The following ASH1L variants were observed in gnomAD, a reference collection of about 807,000 sequenced individuals.
ASH1L encodes the protein ASH1 like histone lysine methyltransferase.
Under a neutral mutation model 269.0 loss-of-function variants are expected in ASH1L, and 23 were observed. That is an observed-to-expected ratio of 0.09 (90% CI 0.06 to 0.12). ASH1L has a LOEUF of 0.12. Ranked by LOEUF, ASH1L falls within the 10% of genes least tolerant of loss-of-function variation. ASH1L has a pLI of 1.00. For synonymous variants in ASH1L, 1,187 were observed against 1,253.5 expected (o/e 0.95, Z 1.12); for missense variants, 2,912 against 3,567.8 (o/e 0.82, Z 4.68).
Position 155,336,170 on chromosome 1 carries a change from G to GA in ASH1L, c.*1489dup, listed in dbSNP as rs1479069058. 1 of 152,348 alleles carries GA rather than the reference G, an allele frequency of 6.6e-6. No homozygotes were observed. Among genetic ancestry groups the GA allele is most frequent in the East Asian group, 1.9e-4 (1 of 5,324 alleles). The allele number at this position is 152,348 out of a possible 1,614,324, so 9.4% of individuals were successfully genotyped here. ...AGAATGACACAGAAAGGGGAAAAAG[G>GA]AAAAAATATTTAATGGAATGGAAGG... On this transcript the variant is annotated 3_prime_UTR_variant, in exon 28 of 28. Transcript: ENST00000392403.
chr1:155,356,944 A>AG (rs1654451291), intron 15 of ASH1L, among the ~76,000 whole-genome samples: 1 of 149,852 alleles, frequency 6.7e-6, no homozygotes, highest in Non-Finnish European at 1.5e-5. Context: ...TAAAAAAAAA[A>AG]AATTAGCCAG....
In ASH1L at chr1:155,480,161, C is replaced by T. The variant is rs1297156636; in HGVS notation, c.2709G>A (p.Met903Ile). The T allele has an allele frequency of 1.2e-6, 2 of 1,614,022 alleles. No homozygotes were observed. Among genetic ancestry groups the T allele is most frequent in the Non-Finnish European group, 1.7e-6 (2 of 1,180,028 alleles). Residue 903 changes from methionine (M) to isoleucine (I), a missense_variant, in exon 3 of 28, where the codon ATG becomes ATA. Met to Ile is a conservative substitution (Grantham distance 10). This residue lies in a region of ASH1L where 715 missense variants were observed against 721.0 expected (regional missense o/e 0.99). Coordinates refer to ENST00000392403, the MANE Select transcript of ASH1L (RefSeq NM_018489.3). Reference protein sequence around the residue: ...PKRQMRSPVKMKPPVLSVAPF... With the variant: ...PKRQMRSPVKIKPPVLSVAPF... ...GAGCCACTGACAGTACAGGTGGCTT[C>T]ATCTTGACTGGTGACCTCATTTGCC...
chr1:155,463,520 T>C (rs1664453614), intron 3 of ASH1L, among the ~76,000 whole-genome samples: 2 of 152,104 alleles, frequency 1.3e-5, no homozygotes, highest in Admixed American at 1.3e-4. Context: ...TAGGCAGGTG[T>C]GGGGGCTCAT....
chr1:155,362,364 G>A lies in ASH1L; in HGVS notation c.6687-1955C>T, dbSNP rs1468679537. On this transcript the variant is annotated intron_variant, in intron 12 of 27. Transcript: ENST00000392403. The stretch of plus-strand genomic sequence containing the variant: ...TTAGGTGTTCAGGAGTTTGTGACTC[G>A]CCTGGGCAACATAGTGAGACCTTAT... Among the ~76,000 whole-genome samples, 10 of 150,404 alleles carry A rather than the reference G, an allele frequency of 6.6e-5. No homozygotes were observed. In the East Asian group the frequency reaches 9.7e-4, roughly 15 times the overall value.
intron 8 of ASH1L, among the ~76,000 whole-genome samples, chr1:155,378,965 CCCTGGCTTTT>C (rs1184684783): frequency 6.6e-5 from 10 of 151,798 alleles, no homozygotes; most frequent in African/African-American, 1.2e-4. Flanking sequence ...AAGATGAGTA[CCCTGGCTTTT>C]CAGGTTGAGA....
chr1:155,520,887 A>T (rs967124767), intron 2 of ASH1L, among the ~76,000 whole-genome samples: 1 of 152,222 alleles, frequency 6.6e-6, no homozygotes, highest in Non-Finnish European at 1.5e-5. Flanking sequence ...ATAAAATTTT[A>T]AAATAATTTT....
intron 1 of ASH1L, among the ~76,000 whole-genome samples, chr1:155,534,038 T>C (rs1669876440): frequency 6.6e-6 from 1 of 151,510 alleles, no homozygotes; most frequent in Non-Finnish European, 1.5e-5. Context: ...TTCCTTTAAA[T>C]TTTTTTATTA....
chr1:155,474,721 CTG>C, intron 3 of ASH1L, among the ~76,000 whole-genome samples: 1 of 151,826 alleles, frequency 6.6e-6, no homozygotes, highest in African/African-American at 2.4e-5. Flanking sequence ...AAAAAAAAAA[CTG>C]TGTTCTCCTC....
At chr1:155,552,772 A>G (rs1671306934) in intron 1 of ASH1L, among the ~76,000 whole-genome samples, 1 of 152,246 alleles carries the variant, frequency 6.6e-6, no homozygotes, top group South Asian at 2.1e-4. Flanking sequence ...ATGTATACAA[A>G]TAAGGACATT....
intron 6 of ASH1L, among the ~76,000 whole-genome samples, chr1:155,412,340 C>T (rs1281492615): frequency 1.3e-5 from 2 of 151,866 alleles, no homozygotes; most frequent in Non-Finnish European, 2.9e-5. Flanking sequence ...ACCTAGGAGG[C>T]AGAGCCTGCA....
In ASH1L at chr1:155,478,174, G is replaced by T. The variant is rs369114138; in HGVS notation, c.4696C>A (p.Pro1566Thr). 1 of 1,613,924 alleles carries T rather than the reference G, an allele frequency of 6.2e-7. No homozygotes were observed. Among genetic ancestry groups the T allele is most frequent in the African/African-American group, 1.3e-5 (1 of 74,864 alleles). The change falls in exon 3 of 28, where the codon CCA becomes ACA. Residue 1566 changes from proline to threonine, a missense_variant. Physicochemically the swap from Pro to Thr is conservative, Grantham distance 38. Transcript: ENST00000392403. This position sits in a 1 kb window ranked among gnomAD's most constrained non-coding sequence, Gnocchi z 4.6. ...WVHREPSESS[P>T]LALGLQTPLQ... Reference sequence around the variant, plus strand: ...GGTGTCTGCAATCCCAAGGCCAATGGACTAGATTCTGAAGGCTCTCGGTGG... The same window carrying T: ...GGTGTCTGCAATCCCAAGGCCAATGTACTAGATTCTGAAGGCTCTCGGTGG...
At chr1:155,338,426 T>C in intron 26 of ASH1L, 36 bp from the exon 27 acceptor site, 2 of 1,585,346 alleles carry the variant, frequency 1.3e-6, no homozygotes, top group South Asian at 1.1e-5. Context: ...TGTAAGACAC[T>C]TGAGGAGGAA....
At chr1:155,378,729 A>G (rs1298591631) in intron 8 of ASH1L, among the ~76,000 whole-genome samples, 181 bp from the exon 9 acceptor site, 1 of 152,230 alleles carries the variant, frequency 6.6e-6, no homozygotes, top group Admixed American at 6.5e-5. Context: ...TTACTCTGAA[A>G]TAAAAGGTGA....
At chr1:155,460,438 C>A (rs1260447337) in intron 3 of ASH1L, among the ~76,000 whole-genome samples, 2 of 151,982 alleles carry the variant, frequency 1.3e-5, no homozygotes, top group African/African-American at 4.8e-5. Context: ...TGAAACCCTG[C>A]CTCTACTAAG....
chr1:155,534,727 C>T (rs1669931681), intron 1 of ASH1L, among the ~76,000 whole-genome samples: 2 of 151,974 alleles, frequency 1.3e-5, no homozygotes, highest in South Asian at 2.1e-4. Flanking sequence ...ATGCTATATA[C>T]AGAGGGAGGC....
At chr1:155,339,902 A>G (rs555757048) in intron 25 of ASH1L, among the ~76,000 whole-genome samples, 1 of 152,306 alleles carries the variant, frequency 6.6e-6, no homozygotes, top group East Asian at 1.9e-4. Flanking sequence ...CAGCTATGAC[A>G]TCACTAGATG....
chr1:155,561,940 G>C (rs546480396), intron 1 of ASH1L: 2 of 480,966 alleles, frequency 4.2e-6, no homozygotes, highest in Admixed American at 7.4e-5. Context: ...AGCCCCCTCC[G>C]GGAGTCTGCC....
chr1:155,393,534 C>A (rs1429876198), intron 7 of ASH1L, among the ~76,000 whole-genome samples: 1 of 151,232 alleles, frequency 6.6e-6, no homozygotes, highest in East Asian at 1.9e-4. Flanking sequence ...CATTTACATT[C>A]AATATTTTAT....
chr1:155,375,976 C>A (rs1055511212), intron 10 of ASH1L, among the ~76,000 whole-genome samples: 4 of 151,988 alleles, frequency 2.6e-5, no homozygotes, highest in African/African-American at 9.7e-5. Context: ...TGGTGACACG[C>A]GTCTTTAGTC....
Sources: allele counts gnomAD v4.1 joint callset (sites outside exome capture counted in the v4.1 genomes callset), GRCh38; gene constraint gnomAD v4.1.1; regional missense constraint gnomAD v4.1.1; non-coding constraint Gnocchi (gnomAD v3.1); transcripts MANE v1.5; gene names NCBI Gene and HGNC (gene_info 2026-07-23, HGNC 2026-07-21).